The following NKAIN2 variants were observed in gnomAD, a reference collection of about 807,000 sequenced individuals.
NKAIN2 encodes sodium/potassium transporting ATPase interacting 2.
A neutral mutation model predicts 32.6 loss-of-function variants in NKAIN2; 14 were observed. That is an observed-to-expected ratio of 0.43 (90% CI 0.28 to 0.67). The LOEUF (loss-of-function observed/expected upper bound fraction) is 0.67, where lower values mean the gene tolerates loss of function less well. Among genes scored for constraint, NKAIN2 ranks in the 30% least tolerant of loss-of-function variants. The pLI is 0.17. For synonymous variants in NKAIN2, 80 were observed against 87.2 expected, an observed-to-expected ratio of 0.92 and a Z score of 0.46; for missense variants, 198 against 258.3, an observed-to-expected ratio of 0.77 and a Z score of 1.60.
chr6:124,705,413 C>A (rs1775009154), intron 4 of NKAIN2, among the ~76,000 whole-genome samples: 1 of 150,944 alleles, frequency 6.6e-6, no homozygotes, highest in African/African-American at 2.5e-5. Context: ...CAGAAATTCC[C>A]AGCTGCTTTC....
intron 1 of NKAIN2, among the ~76,000 whole-genome samples, chr6:123,945,450 GA>G (rs1436000612): frequency 2.0e-5 from 3 of 152,132 alleles, no homozygotes; most frequent in Admixed American, 2.0e-4. Context: ...GGGCCTTTAA[GA>G]AGGTGAGATC....
At chr6:123,934,860 T>G (rs1054473778) in intron 1 of NKAIN2, among the ~76,000 whole-genome samples, 1 of 151,812 alleles carries the variant, frequency 6.6e-6, no homozygotes, top group African/African-American at 2.4e-5. Context: ...GTTACAAGTC[T>G]CTAGAAAAGT....
intron 1 of NKAIN2, among the ~76,000 whole-genome samples, chr6:124,156,433 G>A (rs1787990687): frequency 6.6e-6 from 1 of 152,264 alleles, no homozygotes; most frequent in African/African-American, 2.4e-5. Context: ...GTGCTCAAGG[G>A]AGTCACATCT....
At chr6:124,068,946 A>G (rs1436712066) in intron 1 of NKAIN2, among the ~76,000 whole-genome samples, 1 of 152,004 alleles carries the variant, frequency 6.6e-6, no homozygotes, top group Admixed American at 6.6e-5. Context: ...TTAGAGTAGA[A>G]TCCTTAGCTG....
rs746739888 is a variant in NKAIN2, at chr6:124,659,415, TAAA to T, written c.474+1038_474+1040del. 2.7e-5 allele frequency among the ~76,000 whole-genome samples: 4 copies of T among 147,030 alleles called. 1 individual carries two copies. Among genetic ancestry groups the T allele is most frequent in the Admixed American group, 2.0e-4 (3 of 14,702 alleles). On this transcript the variant is annotated intron_variant, in intron 4 of 6. Coordinates refer to ENST00000368417, the MANE Select transcript of NKAIN2 (RefSeq NM_001040214.3). ...GAGAAACATAAAATTCTTCTGGAATTAAAAAAAAAAACTATGTGAGTGTGTCAG... is the reference window on the plus strand; with the variant it reads ...GAGAAACATAAAATTCTTCTGGAATTAAAAAAAACTATGTGAGTGTGTCAG...
intron 4 of NKAIN2, among the ~76,000 whole-genome samples, chr6:124,738,838 G>T (rs1429095306): frequency 1.3e-5 from 2 of 151,738 alleles, no homozygotes; most frequent in Non-Finnish European, 2.9e-5. Context: ...AAGAACTAAA[G>T]GACATATTAT....
chr6:124,684,365 T>C (rs896202773), intron 4 of NKAIN2, among the ~76,000 whole-genome samples: 5 of 152,136 alleles, frequency 3.3e-5, no homozygotes, highest in African/African-American at 1.2e-4. Context: ...TTGCTAAAAA[T>C]GCAAATTCTC....
chr6:124,302,411 C>G (rs1184781008), intron 2 of NKAIN2, among the ~76,000 whole-genome samples: 1 of 152,192 alleles, frequency 6.6e-6, no homozygotes, highest in South Asian at 2.1e-4. Context: ...CACAGACTAT[C>G]CATTTTAAGT....
intron 1 of NKAIN2, among the ~76,000 whole-genome samples, chr6:123,970,290 T>C (rs1778281357): frequency 1.3e-5 from 2 of 152,160 alleles, no homozygotes; most frequent in South Asian, 2.1e-4. Flanking sequence ...AAGGCTGGTA[T>C]GTATATGAGA....
At chr6:124,349,671 A>G (rs1345360303) in intron 2 of NKAIN2, among the ~76,000 whole-genome samples, 1 of 152,202 alleles carries the variant, frequency 6.6e-6, no homozygotes, top group Non-Finnish European at 1.5e-5. Flanking sequence ...TTAGTCTTAT[A>G]CTACCTTGGT....
chr6:124,755,347 C>T (rs568999451), intron 4 of NKAIN2, among the ~76,000 whole-genome samples: 2 of 152,224 alleles, frequency 1.3e-5, no homozygotes, highest in South Asian at 4.1e-4. Context: ...TGAATGGTGC[C>T]CAACCACGTT....
At chr6:123,958,643 A>G (rs1329359739) in intron 1 of NKAIN2, among the ~76,000 whole-genome samples, 1 of 152,222 alleles carries the variant, frequency 6.6e-6, no homozygotes, top group Admixed American at 6.5e-5. Flanking sequence ...ATTTCAACAT[A>G]TGAATTTTGG....
intron 1 of NKAIN2, among the ~76,000 whole-genome samples, chr6:124,161,978 T>C (rs569849353): frequency 2.3e-4 from 35 of 152,196 alleles, no homozygotes; most frequent in African/African-American, 7.9e-4. Context: ...AATAAAATAA[T>C]GAAAAATAAA....
In NKAIN2 at chr6:124,823,242, C is replaced by G; in HGVS notation, c.*13C>G. On this transcript the variant is annotated 3_prime_UTR_variant, in exon 7 of 7. Coordinates refer to ENST00000368417, the MANE Select transcript of NKAIN2 (RefSeq NM_001040214.3). ...CAGGTCAAAATAATACAGATGACTT[C>G]AGTATGTCAGCCCATGGACCTTTCA... is the stretch of plus-strand genomic sequence containing the variant. 6.3e-7 allele frequency: 1 copy of G among 1,586,146 alleles called. No individual in the cohort carries two copies. Among genetic ancestry groups the G allele is most frequent in the Non-Finnish European group, 8.7e-7 (1 of 1,154,164 alleles).
chr6:124,394,872 C>T (rs539083336), intron 3 of NKAIN2, among the ~76,000 whole-genome samples: 99 of 152,220 alleles, frequency 6.5e-4, no homozygotes, highest in Admixed American at 2.4e-3. Flanking sequence ...GTCAAATTAA[C>T]ATATAAAGTT....
At chr6:124,241,335 T>C (rs1793082626) in intron 1 of NKAIN2, among the ~76,000 whole-genome samples, 1 of 152,174 alleles carries the variant, frequency 6.6e-6, no homozygotes, top group African/African-American at 2.4e-5. Context: ...ATTTATAGAT[T>C]CAATGCTATT....
intron 1 of NKAIN2, among the ~76,000 whole-genome samples, chr6:124,152,207 C>A (rs1327586957): frequency 2.6e-5 from 4 of 151,838 alleles, no homozygotes; most frequent in Admixed American, 1.3e-4. Flanking sequence ...ATTGAAAAAA[C>A]CCCTCTTTTG....
chr6:124,062,625 T>G (rs924524336), intron 1 of NKAIN2, among the ~76,000 whole-genome samples: 4 of 152,052 alleles, frequency 2.6e-5, no homozygotes, highest in Non-Finnish European at 5.9e-5. Context: ...GACAGGGTAT[T>G]GCCATGTTGT....
intron 3 of NKAIN2, 120 bp from the exon 4 acceptor site, chr6:124,658,066 A>G: frequency 1.4e-6 from 1 of 700,270 alleles, no homozygotes. Context: ...AGCATGGGGT[A>G]GGAAAAAAAA....
Sources: allele counts gnomAD v4.1 joint callset (sites outside exome capture counted in the v4.1 genomes callset), GRCh38; gene constraint gnomAD v4.1.1; transcripts MANE v1.5; gene names NCBI Gene and HGNC (gene_info 2026-07-23, HGNC 2026-07-21).